The following ZNF627 variants were observed in gnomAD, a reference collection of about 807,000 sequenced individuals.
ZNF627 encodes zinc finger protein 627.
In ZNF627, 12 loss-of-function variants were observed where a neutral mutation model predicts 10.6. The observed-to-expected ratio is 1.13, with a 90% CI of 0.73 to 1.84. ZNF627 has a LOEUF of 1.84. ZNF627 is among the 40% of genes most tolerant of loss of function. The pLI is 0.00. For synonymous variants in ZNF627, 176 were observed against 187.1 expected (o/e 0.94, Z 0.48); for missense variants, 504 against 568.4 (o/e 0.89, Z 1.15).
chr19:11,604,025 C>G (rs966990918), intron 1 of ZNF627, among the ~76,000 whole-genome samples: 4 of 150,942 alleles, frequency 2.7e-5, no homozygotes, highest in African/African-American at 7.3e-5. Context: ...CCAGGCTGAT[C>G]TCTAACTCCT....
chr19:11,616,386 T>C (rs929177888), intron 3 of ZNF627, among the ~76,000 whole-genome samples: 61 of 152,192 alleles, frequency 4.0e-4, no homozygotes, highest in African/African-American at 1.4e-3. Context: ...TTGTGACCTA[T>C]TGCAGACCAT....
Position 11,617,814 on chromosome 19 carries a change from T to C in ZNF627, c.1311T>C (p.His437=). The C allele has an allele frequency of 1.9e-6, 3 of 1,608,498 alleles. No individual in the cohort carries two copies. Among genetic ancestry groups the C allele is most frequent in the South Asian group, 2.2e-5 (2 of 90,250 alleles). ...GTCGATCCACTTACTTTCGAGTACA[T>C]GAAAAAATTCATACTGGAGAGAAAC... The part of the protein sequence containing the change: ...AFSRSTYFRV[H]EKIHTGEKPY... The change falls in exon 4 of 4, where the codon CAT becomes CAC. Residue 437 remains histidine, a synonymous_variant. Coordinates refer to ENST00000361113, the MANE Select transcript of ZNF627 (RefSeq NM_145295.4).
rs376431781 is a variant in ZNF627, at chr19:11,597,689, G to A, written c.3+59G>A. 233 of 1,326,838 alleles carry A rather than the reference G, an allele frequency of 1.8e-4. No individual in the cohort carries two copies. In the African/African-American group the frequency reaches 3.2e-3, roughly 18 times the overall value. The allele number at this position is 1,326,838 out of a possible 1,614,324, so 82.2% of individuals were successfully genotyped here. A position where few individuals can be genotyped will look rare whatever the true frequency, so the allele number is the denominator to read the frequency against. On this transcript the variant is annotated intron_variant, in intron 1 of 3. Transcript: ENST00000361113. ...GGGGAGGGGCTGGTTGGAACCGGCC[G>A]GAACCGGCTGTGGAGGGACCTAGGC...
chr19:11,617,461 G>C lies in ZNF627; in HGVS notation c.958G>C (p.Ala320Pro), dbSNP rs201113109. Residue 320 changes from alanine to proline, a missense_variant, in exon 4 of 4, where the codon GCA (alanine) becomes CCA (proline). Transcript: ENST00000361113. ...ATGCGGGAAGGCTTTGACTTGTCTT[G>C]CAAGTGTTAGAAGACACATGATAAA... ...KECGKALTCL[A>P]SVRRHMIKHT... 6.2e-7 allele frequency: 1 copy of C among 1,613,768 alleles called. No individual in the cohort carries two copies. The highest frequency in any genetic ancestry group is 8.5e-7 in the Non-Finnish European group (1 of 1,179,978).
intron 1 of ZNF627, 51 bp from the exon 2 acceptor site, chr19:11,614,476 C>T (rs1428450829): frequency 1.9e-6 from 3 of 1,611,230 alleles, no homozygotes; most frequent in African/African-American, 1.3e-5. Flanking sequence ...GTCTAGGCCC[C>T]CAGTGCTGTC....
chr19:11,597,644 G>A lies in ZNF627; in HGVS notation c.3+14G>A, dbSNP rs377385381. The A allele has an allele frequency of 1.7e-5, 23 of 1,337,558 alleles. No individual in the cohort carries two copies. The African/African-American group carries it at 2.1e-4, about 12-fold the overall frequency. The allele number at this position is 1,337,558 out of a possible 1,614,324, so 82.9% of individuals were successfully genotyped here. ...AGCCGAGAAATGGTGCGTGTGAGGGGTCAGGCGTCCCCAGACCTGGGGGAG... is the reference window on the plus strand; with the variant it reads ...AGCCGAGAAATGGTGCGTGTGAGGGATCAGGCGTCCCCAGACCTGGGGGAG... On this transcript the variant is annotated intron_variant, in intron 1 of 3. Transcript: ENST00000361113.
intron 1 of ZNF627, among the ~76,000 whole-genome samples, chr19:11,606,621 C>G (rs1307314662): frequency 6.6e-6 from 1 of 152,224 alleles, no homozygotes; most frequent in African/African-American, 2.4e-5. Flanking sequence ...AGTGGGGACT[C>G]TCTGTGGGGG....
At position 11,617,919 on chromosome 19, in the gene ZNF627, A is replaced by G. The variant is rs919713236; in HGVS notation, c.*30A>G. ...GAAAGGAGTCACATAGAGAAACCCC[A>G]TGAAAGTAAGAAATTTGGGAAAGCC... On this transcript the variant is annotated 3_prime_UTR_variant, in exon 4 of 4. Transcript: ENST00000361113. 2.7e-6 allele frequency: 4 copies of G among 1,490,336 alleles called. No homozygotes were observed. Among genetic ancestry groups the G allele is most frequent in the Non-Finnish European group, 3.5e-6 (4 of 1,126,894 alleles). 92.3% of individuals were successfully genotyped at this position (1,490,336 alleles called of 1,614,324 possible).
At chr19:11,605,388 C>A (rs1973657409) in intron 1 of ZNF627, among the ~76,000 whole-genome samples, 1 of 152,052 alleles carries the variant, frequency 6.6e-6, no homozygotes, top group Non-Finnish European at 1.5e-5. Context: ...TGTTTTCATG[C>A]TGCTAATAAA....
intron 1 of ZNF627, among the ~76,000 whole-genome samples, chr19:11,610,490 T>TAGGG (rs146593366): frequency 6.6e-6 from 1 of 152,242 alleles, no homozygotes; most frequent in African/African-American, 2.4e-5. Context: ...CAGTCCCAGT[T>TAGGG]ACTATGGAGG....
intron 1 of ZNF627, among the ~76,000 whole-genome samples, chr19:11,608,086 C>G (rs1973705005): frequency 6.6e-6 from 1 of 152,140 alleles, no homozygotes. Flanking sequence ...AAGGAAAAAG[C>G]AAACATGTCC....
In ZNF627 at chr19:11,618,924, A is replaced by G. The variant is rs1237582306; in HGVS notation, c.*1035A>G. 1.3e-5 allele frequency: 2 copies of G among 152,206 alleles called. No individual in the cohort carries two copies. Among genetic ancestry groups the G allele is most frequent in the Non-Finnish European group, 2.9e-5 (2 of 68,044 alleles). 9.4% of individuals were successfully genotyped at this position (152,206 alleles called of 1,614,324 possible). On this transcript the variant is annotated 3_prime_UTR_variant, in exon 4 of 4. Transcript: ENST00000361113. ...TGAAGTCAGCGTTAACCATGTGCAT[A>G]CAACTTAAGGAATTTTTTCCTCCTC...
intron 1 of ZNF627, among the ~76,000 whole-genome samples, chr19:11,609,523 T>C (rs1448897210): frequency 5.3e-5 from 5 of 93,876 alleles, no homozygotes; most frequent in African/African-American, 1.3e-4. Flanking sequence ...ATATATGTAT[T>C]TTTTCCCCCC....
intron 1 of ZNF627, among the ~76,000 whole-genome samples, chr19:11,609,863 A>C (rs1973743758): frequency 6.6e-6 from 1 of 151,278 alleles, no homozygotes; most frequent in Admixed American, 6.6e-5. Context: ...AGTTTTCTTT[A>C]TTTCTTTCTC....
chr19:11,598,876 A>T (rs977646421), intron 1 of ZNF627, among the ~76,000 whole-genome samples: 8 of 152,194 alleles, frequency 5.3e-5, no homozygotes, highest in African/African-American at 1.9e-4. Flanking sequence ...AGGCACAGGG[A>T]TGTTCTCAGA....
chr19:11,610,249 C>G (rs1973751744), intron 1 of ZNF627, among the ~76,000 whole-genome samples: 1 of 152,004 alleles, frequency 6.6e-6, no homozygotes, highest in Non-Finnish European at 1.5e-5. Context: ...GGGGCATTCT[C>G]AATTCCCCAG....
intron 1 of ZNF627, 52 bp from the exon 2 acceptor site, chr19:11,614,475 C>T (rs1191644927): frequency 3.7e-6 from 6 of 1,610,956 alleles, no homozygotes; most frequent in Non-Finnish European, 5.1e-6. Flanking sequence ...AGTCTAGGCC[C>T]CCAGTGCTGT....
At chr19:11,599,517 G>T (rs2145120245) in intron 1 of ZNF627, among the ~76,000 whole-genome samples, 1 of 152,280 alleles carries the variant, frequency 6.6e-6, no homozygotes, top group South Asian at 2.1e-4. Flanking sequence ...TGTACTTCAG[G>T]CAGATGGAGG....
rs909029489 is a variant in ZNF627 at position 11,616,872 on chromosome 19, C to T, written c.369C>T (p.His123=). The T allele has an allele frequency of 1.1e-5, 18 of 1,614,094 alleles. No individual in the cohort carries two copies. The highest frequency in any genetic ancestry group is 1.4e-5 in the Non-Finnish European group (16 of 1,180,012). The change falls in exon 4 of 4, where the codon CAC becomes CAT. Residue 123 remains histidine, a synonymous_variant. Transcript: ENST00000361113. ...CACTTAATAGGCACATCAGAGATCA[C>T]ACTGGACGTGAACCAAATGAATATC... ...PSSLNRHIRD[H]TGREPNEYQE...
Sources: allele counts gnomAD v4.1 joint callset (sites outside exome capture counted in the v4.1 genomes callset), GRCh38; gene constraint gnomAD v4.1.1; transcripts MANE v1.5; gene names NCBI Gene and HGNC (gene_info 2026-07-23, HGNC 2026-07-21).